The following MYLK variants were observed in gnomAD, a reference collection of about 807,000 sequenced individuals.
The protein encoded by MYLK is myosin light chain kinase, smooth muscle.
Under a neutral mutation model 203.4 loss-of-function variants are expected in MYLK, and 106 were observed. That is an observed-to-expected ratio of 0.52 (90% CI 0.45 to 0.61). The LOEUF (loss-of-function observed/expected upper bound fraction) is 0.61, where lower values mean the gene tolerates loss of function less well. Ranked by LOEUF, MYLK falls within the 20% of genes least tolerant of loss-of-function variation. The pLI, the probability that MYLK is intolerant of heterozygous loss-of-function variation, is 0.00. For synonymous variants in MYLK, 867 were observed against 959.5 expected (o/e 0.90, Z 1.78); for missense variants, 2,072 against 2,442.3 (o/e 0.85, Z 3.20).
chr3:123,830,966 C>G (rs1302125894), intron 3 of MYLK, among the ~76,000 whole-genome samples: 1 of 152,186 alleles, frequency 6.6e-6, no homozygotes, highest in African/African-American at 2.4e-5. Context: ...CACCTATTAT[C>G]ACACAGGATT....
chr3:123,720,215 A>T (rs1314630267), intron 13 of MYLK, among the ~76,000 whole-genome samples: 2 of 152,002 alleles, frequency 1.3e-5, no homozygotes, highest in African/African-American at 4.8e-5. Context: ...TTTCCTTTGG[A>T]TGGGTGGTGA....
intron 3 of MYLK, among the ~76,000 whole-genome samples, chr3:123,830,534 T>A (rs2066288418): frequency 6.6e-6 from 1 of 152,142 alleles, no homozygotes; most frequent in African/African-American, 2.4e-5. Flanking sequence ...TTTAGCACCA[T>A]GGGGGAAATT....
chr3:123,711,018 G>A lies in MYLK; in HGVS notation c.1805-1125C>T, dbSNP rs139742943. 1.8e-4 allele frequency among the ~76,000 whole-genome samples: 28 copies of A among 152,194 alleles called. No individual in the cohort carries two copies. The East Asian group carries it at 4.8e-3, about 26-fold the overall frequency. ...AGGTGGGAGGATCACTTGAGCCTGG[G>A]AGGTTGAGGCTGCAGTAAGCCATGA... On this transcript the variant is annotated intron_variant, in intron 13 of 33. Transcript: ENST00000360304.
At chr3:123,666,382 A>C (rs753827718) in intron 21 of MYLK, 36 bp from the exon 22 acceptor site, 1 of 1,614,030 alleles carries the variant, frequency 6.2e-7, no homozygotes, top group Non-Finnish European at 8.5e-7. Flanking sequence ...GCGAGGCAGA[A>C]GGGTCTCAGG....
intron 4 of MYLK, among the ~76,000 whole-genome samples, chr3:123,773,417 T>A (rs1335351009): frequency 2.0e-5 from 3 of 152,346 alleles, no homozygotes; most frequent in Admixed American, 1.3e-4. Flanking sequence ...AGTAAAAAAA[T>A]TTAAAAATTT....
chr3:123,664,373 G>T, intron 22 of MYLK, 115 bp from the exon 23 acceptor site: 2 of 1,453,092 alleles, frequency 1.4e-6, no homozygotes, highest in South Asian at 2.3e-5. Context: ...AGCTGTGGGG[G>T]GGCTCAGTCT....
chr3:123,847,082 TAAC>T (rs1413655767), intron 2 of MYLK, among the ~76,000 whole-genome samples: 8 of 152,008 alleles, frequency 5.3e-5, no homozygotes, highest in Admixed American at 3.9e-4. Flanking sequence ...CTAATAAAAA[TAAC>T]AACACAACAA....
intron 2 of MYLK, among the ~76,000 whole-genome samples, chr3:123,837,233 T>C (rs924868066): frequency 6.6e-6 from 1 of 152,220 alleles, no homozygotes; most frequent in Non-Finnish European, 1.5e-5. Flanking sequence ...GGTTTTACCA[T>C]GTTGGTCAGG....
intron 3 of MYLK, among the ~76,000 whole-genome samples, chr3:123,824,353 G>A (rs941207980): frequency 6.6e-6 from 1 of 152,200 alleles, no homozygotes; most frequent in Non-Finnish European, 1.5e-5. Flanking sequence ...GTCTCCCAAA[G>A]TGCTGGGATT....
chr3:123,685,322 G>A (rs563952859), intron 19 of MYLK, among the ~76,000 whole-genome samples: 3 of 152,314 alleles, frequency 2.0e-5, no homozygotes, highest in Admixed American at 2.0e-4. Context: ...GCCCAGCGTG[G>A]TGGCTCACGC....
At chr3:123,685,612 G>GAAAAAAAAAAAA (rs59215456) in intron 19 of MYLK, among the ~76,000 whole-genome samples, 6 of 112,412 alleles carry the variant, frequency 5.3e-5, no homozygotes, top group African/African-American at 1.7e-4. Flanking sequence ...TCCAAAAAAT[G>GAAAAAAAAAAAA]AAAAAAAAAA....
At chr3:123,747,403 G>C (rs951832334) in intron 5 of MYLK, among the ~76,000 whole-genome samples, 1 of 152,182 alleles carries the variant, frequency 6.6e-6, no homozygotes, top group African/African-American at 2.4e-5. Flanking sequence ...GGGTGGCTGG[G>C]GGTAGGGAGG....
intron 13 of MYLK, among the ~76,000 whole-genome samples, chr3:123,719,612 C>G (rs111748773): frequency 0.13 from 19,234 of 152,216 alleles, 3,287 homozygotes; most frequent in African/African-American, 0.39. Flanking sequence ...CCATTTCACA[C>G]AAGAGGAAGC....
chr3:123,685,873 G>C (rs535000168), intron 19 of MYLK, among the ~76,000 whole-genome samples: 8 of 152,176 alleles, frequency 5.3e-5, no homozygotes, highest in African/African-American at 1.9e-4. Context: ...CTTTCCATCT[G>C]GCCATGAGGA....
At chr3:123,874,002 A>T (rs553455221) in intron 2 of MYLK, among the ~76,000 whole-genome samples, 8 of 152,270 alleles carry the variant, frequency 5.3e-5, no homozygotes, top group African/African-American at 1.9e-4. Context: ...GAAATCAAAG[A>T]TGACCTAAAT....
At chr3:123,773,586 T>C (rs2108995438) in intron 4 of MYLK, among the ~76,000 whole-genome samples, 1 of 152,210 alleles carries the variant, frequency 6.6e-6, no homozygotes, top group South Asian at 2.1e-4. Flanking sequence ...GAAATCGACA[T>C]GGTTGGTGAG....
rs758281565 is a variant in MYLK, at chr3:123,701,505, G to A, written c.2395C>T (p.Arg799Trp). Reference protein sequence around the residue: ...AGQYEILLKNRVGECSCQVSL... With the variant: ...AGQYEILLKNWVGECSCQVSL... ...ACCTGGCAACTGCATTCGCCAACCC[G>A]GTTCCTGAAGAATTCCAAAGATCAA... Residue 799 changes from arginine (R) to tryptophan (W), a missense_variant, in exon 17 of 34, where the codon CGG becomes TGG. Physicochemically the swap from Arg to Trp is moderately radical, Grantham distance 101. This residue lies in a region of MYLK where 865 missense variants were observed against 1,016.0 expected (regional missense o/e 0.85). Transcript: ENST00000360304. 1.9e-5 allele frequency: 31 copies of A among 1,613,688 alleles called. No homozygotes were observed. Among genetic ancestry groups the A allele is most frequent in the African/African-American group, 1.3e-4 (10 of 74,904 alleles).
At chr3:123,752,204 C>A (rs546893033) in intron 5 of MYLK, 127 bp downstream of exon 5, 3 of 1,005,812 alleles carry the variant, frequency 3.0e-6, no homozygotes, top group Non-Finnish European at 4.7e-6. Context: ...GTCCGGGGTT[C>A]AAGGATGGGG....
At chr3:123,830,183 G>A (rs1048888248) in intron 3 of MYLK, among the ~76,000 whole-genome samples, 3 of 152,102 alleles carry the variant, frequency 2.0e-5, no homozygotes, top group African/African-American at 7.2e-5. Flanking sequence ...TTCTACCTAC[G>A]GTGCTTCACA....
Sources: gnomAD v4.1 joint callset for allele counts (sites outside exome capture counted in the v4.1 genomes callset) on GRCh38, gnomAD v4.1.1 for gene constraint, gnomAD v4.1.1 regional missense constraint, MANE v1.5 for transcripts, NCBI Gene and HGNC (gene_info 2026-07-23, HGNC 2026-07-21) for gene names.